EVL: variants seen among roughly 807,000 people sequenced by gnomAD.
The protein encoded by EVL is Enah/Vasp-like, also known as ena/VASP-like protein.
A neutral mutation model predicts 59.6 loss-of-function variants in EVL; 21 were observed. The ratio of observed to expected loss-of-function variants is 0.35; its 90% CI spans 0.25 to 0.51. EVL has a LOEUF of 0.51. Ranked by LOEUF, EVL falls within the 20% of genes least tolerant of loss-of-function variation. The pLI, the probability that EVL is intolerant of heterozygous loss-of-function variation, is 0.97. For synonymous variants in EVL, 198 were observed against 203.5 expected, an observed-to-expected ratio of 0.97 and a Z score of 0.23; for missense variants, 462 against 546.6, an observed-to-expected ratio of 0.85 and a Z score of 1.54.
chr14:99,985,215 G>A (rs2060832399), intron 1 of EVL, among the ~76,000 whole-genome samples: 1 of 151,864 alleles, frequency 6.6e-6, no homozygotes, highest in South Asian at 2.1e-4. Flanking sequence ...TAAGCCTCAA[G>A]GAGTTTATAG....
intron 1 of EVL, chr14:100,019,814 G>GT (rs1566970797): frequency 7.3e-6 from 7 of 954,394 alleles, no homozygotes; most frequent in East Asian, 5.4e-5. Context: ...TCAGCTTGTG[G>GT]TGGGGTTTAT....
chr14:100,076,044 AT>A (rs1196420940), intron 1 of EVL, among the ~76,000 whole-genome samples: 29 of 152,248 alleles, frequency 1.9e-4, no homozygotes, highest in African/African-American at 7.0e-4. Flanking sequence ...TTTGAAAGCA[AT>A]GACAATGTGA....
chr14:100,043,256 T>C (rs555949731), intron 1 of EVL, among the ~76,000 whole-genome samples: 1 of 150,682 alleles, frequency 6.6e-6, no homozygotes, highest in African/African-American at 2.4e-5. Context: ...TATATATATA[T>C]GTGTGTGTGT....
rs769495739 is a variant in EVL at position 100,084,753 on chromosome 14, A to G, written c.78A>G (p.Val26=). ...MVYDDTSKKW[V]PIKPGQQGFS... is the part of the protein sequence containing the mutation. Reference sequence around the variant, plus strand: ...ACGATGACACCAGTAAGAAATGGGTACCAATCAAACCTGGCCAGCAGGGAT... The same window carrying G: ...ACGATGACACCAGTAAGAAATGGGTGCCAATCAAACCTGGCCAGCAGGGAT... Residue 26 remains valine, a synonymous_variant, in exon 2 of 14, where the codon GTA becomes GTG. Transcript: ENST00000392920. 3 of 1,614,208 alleles carry G rather than the reference A, an allele frequency of 1.9e-6. No individual in the cohort carries two copies. The highest frequency in any genetic ancestry group is 2.2e-5 in the South Asian group (2 of 91,086).
chr14:100,057,340 G>A (rs1018023002), intron 1 of EVL, among the ~76,000 whole-genome samples: 5 of 152,126 alleles, frequency 3.3e-5, no homozygotes, highest in Non-Finnish European at 5.9e-5. Flanking sequence ...CACAGATATC[G>A]GTGAAGAGCC....
chr14:100,126,934 A>G (rs1460009437), intron 5 of EVL, among the ~76,000 whole-genome samples, 163 bp downstream of exon 5: 1 of 152,144 alleles, frequency 6.6e-6, no homozygotes, highest in Non-Finnish European at 1.5e-5. Context: ...GTAGCAAGAG[A>G]GCAGAGCAGA....
intron 1 of EVL, among the ~76,000 whole-genome samples, chr14:100,007,821 AAGAG>A (rs146487371): frequency 1.3e-5 from 2 of 151,822 alleles, no homozygotes; most frequent in African/African-American, 4.8e-5. Flanking sequence ...CAGAGAGAGA[AAGAG>A]AAAGAAAGAA....
intron 1 of EVL, among the ~76,000 whole-genome samples, chr14:100,003,207 G>C (rs1255777052): frequency 6.6e-6 from 1 of 152,062 alleles, no homozygotes; most frequent in Non-Finnish European, 1.5e-5. Context: ...TTCTGGCCCT[G>C]CATCTCAGGA....
chr14:100,089,921 A>G (rs2062528293), intron 2 of EVL, among the ~76,000 whole-genome samples: 2 of 152,172 alleles, frequency 1.3e-5, no homozygotes, highest in African/African-American at 4.8e-5. Context: ...CAACAAAGTG[A>G]TAACCTTGTC....
intron 1 of EVL, among the ~76,000 whole-genome samples, chr14:100,017,639 A>G (rs2061061342): frequency 6.6e-6 from 1 of 152,216 alleles, no homozygotes; most frequent in Non-Finnish European, 1.5e-5. Context: ...ATCACAGAGT[A>G]AGGGGCAGAT....
At chr14:100,067,920 G>A (rs1455119042) in intron 1 of EVL, among the ~76,000 whole-genome samples, 1 of 152,142 alleles carries the variant, frequency 6.6e-6, no homozygotes, top group Admixed American at 6.5e-5. Flanking sequence ...AGAGAAAGTG[G>A]GATCTCAGGT....
At chr14:100,069,299 G>T (rs1324479397) in intron 1 of EVL, among the ~76,000 whole-genome samples, 1 of 152,232 alleles carries the variant, frequency 6.6e-6, no homozygotes, top group Non-Finnish European at 1.5e-5. Context: ...GGTAGTGAAG[G>T]AGCTGTGGCT....
intron 3 of EVL, among the ~76,000 whole-genome samples, chr14:100,113,561 G>T (rs570317460): frequency 6.6e-6 from 1 of 152,148 alleles, no homozygotes; most frequent in Non-Finnish European, 1.5e-5. Flanking sequence ...CATCGTGTGG[G>T]GGAAGGATTT....
chr14:100,056,561 G>C lies in EVL; in HGVS notation c.6-28126G>C, dbSNP rs80001880. On this transcript the variant is annotated intron_variant, in intron 1 of 13. Coordinates refer to the EVL transcript ENST00000402714. ...TCTGTCTTTTAAGTTTTTCTTTTAT[G>C]CTACTTGCATTTCTCAGAGATGTTA... 2.1e-3 allele frequency among the ~76,000 whole-genome samples: 318 copies of C among 152,114 alleles called. 14 individuals carry two copies. The East Asian group carries it at 0.055, about 27-fold the overall frequency.
rs377237578 is a variant in EVL, at chr14:100,143,744, C to T, written c.*6C>T. The stretch of plus-strand genomic sequence containing the variant: ...GTGGGATCAGCACCACGTAAGGGGC[C>T]GGCCTCGCTGCGCTGATTCGTCGAG... On this transcript the variant is annotated 3_prime_UTR_variant, in exon 14 of 14. Transcript: ENST00000392920. 2.3e-5 allele frequency: 37 copies of T among 1,612,052 alleles called. No individual in the cohort carries two copies. In the African/African-American group the frequency reaches 3.2e-4, roughly 14 times the overall value.
In EVL at chr14:100,042,214, A is replaced by G. The variant is rs547210673; in HGVS notation, c.6-42473A>G. Among the ~76,000 whole-genome samples, 5 of 152,266 alleles carry G rather than the reference A, an allele frequency of 3.3e-5. No homozygotes were observed. The South Asian group carries it at 8.3e-4, about 25-fold the overall frequency. ...TATTTTACCCTAACATCACTTCTCA[A>G]TTTGGACCGGCCACATTTCAAGTGC... On this transcript the variant is annotated intron_variant, in intron 1 of 13. Transcript: ENST00000402714.
chr14:100,021,974 A>G (rs1183859032), intron 1 of EVL, among the ~76,000 whole-genome samples: 1 of 152,138 alleles, frequency 6.6e-6, no homozygotes, highest in Non-Finnish European at 1.5e-5. Context: ...ACTTGGTTTT[A>G]TAATCTCGGT....
At chr14:100,093,921 A>G (rs1416799806) in intron 2 of EVL, among the ~76,000 whole-genome samples, 1 of 152,194 alleles carries the variant, frequency 6.6e-6, no homozygotes, top group African/African-American at 2.4e-5. Flanking sequence ...GCCATTCCAA[A>G]TATTATAATT....
intron 1 of EVL, among the ~76,000 whole-genome samples, chr14:100,055,971 C>G (rs1433340452): frequency 6.6e-6 from 1 of 151,984 alleles, no homozygotes; most frequent in Non-Finnish European, 1.5e-5. Context: ...GCCACCACAC[C>G]CTGCTAATTT....
Sources: allele counts gnomAD v4.1 joint callset (sites outside exome capture counted in the v4.1 genomes callset), GRCh38; gene constraint gnomAD v4.1.1; transcripts MANE v1.5; gene names NCBI Gene and HGNC (gene_info 2026-07-23, HGNC 2026-07-21).